Variants in DGKB observed in about 807,000 individuals in gnomAD.
The protein encoded by DGKB is 90 kDa diacylglycerol kinase.
In DGKB, 67 loss-of-function variants were observed where a neutral mutation model predicts 114.3. The observed-to-expected ratio is 0.59, with a 90% CI of 0.48 to 0.72. The LOEUF is 0.72. Ranked by LOEUF, DGKB falls within the 30% of genes least tolerant of loss-of-function variation. DGKB has a pLI of 0.00. For synonymous variants in DGKB, 398 were observed against 323.1 expected (o/e 1.23, Z -2.49); for missense variants, 907 against 975.2 (o/e 0.93, Z 0.93).
chr7:14,311,081 T>A (rs1295658627), intron 23 of DGKB, among the ~76,000 whole-genome samples: 1 of 151,928 alleles, frequency 6.6e-6, no homozygotes, highest in Non-Finnish European at 1.5e-5. Context: ...TGAGCCAAGG[T>A]CACGCCACTG....
chr7:14,783,525 C>T (rs138172263), intron 2 of DGKB, among the ~76,000 whole-genome samples: 35 of 152,274 alleles, frequency 2.3e-4, no homozygotes, highest in African/African-American at 6.7e-4. Context: ...ATCCTGCTTT[C>T]GCTGCCTGAT....
intron 21 of DGKB, among the ~76,000 whole-genome samples, chr7:14,451,898 C>T (rs1831574842): frequency 6.7e-6 from 1 of 150,006 alleles, no homozygotes; most frequent in Admixed American, 6.6e-5. Context: ...ATTAATGAAA[C>T]TCACTCTTTT....
At chr7:14,342,354 T>C (rs1005555008) in intron 22 of DGKB, among the ~76,000 whole-genome samples, 3 of 151,864 alleles carry the variant, frequency 2.0e-5, no homozygotes, top group African/African-American at 4.8e-5. Context: ...AAACTGAACA[T>C]TCATGAACTC....
intron 13 of DGKB, among the ~76,000 whole-genome samples, chr7:14,656,350 A>G (rs1198622907): frequency 6.6e-6 from 1 of 151,634 alleles, no homozygotes; most frequent in African/African-American, 2.4e-5. Context: ...TTAAAGTTTT[A>G]GAAGATTTCT....
At chr7:14,691,844 C>G (rs1380173131) in intron 9 of DGKB, among the ~76,000 whole-genome samples, 1 of 151,622 alleles carries the variant, frequency 6.6e-6, no homozygotes, top group Non-Finnish European at 1.5e-5. Flanking sequence ...TAACACAACT[C>G]TGGAACACAG....
intron 2 of DGKB, among the ~76,000 whole-genome samples, chr7:14,819,292 GATA>G (rs1377894310): frequency 2.7e-4 from 41 of 152,088 alleles, no homozygotes; most frequent in African/African-American, 9.7e-4. Context: ...AGTGAGTAAT[GATA>G]ATAATTGCTG....
chr7:14,567,158 T>TTATATTTATATATATTATATATAATTA (rs1797531800), intron 20 of DGKB, among the ~76,000 whole-genome samples: 1 of 94,676 alleles, frequency 1.1e-5, no homozygotes. Flanking sequence ...TAATATACAA[T>TTATATTTATATATATTATATATAATTA]TATATTTATA....
intron 25 of DGKB, among the ~76,000 whole-genome samples, chr7:14,157,770 C>A (rs1463355107): frequency 6.6e-6 from 1 of 152,122 alleles, no homozygotes; most frequent in African/African-American, 2.4e-5. Flanking sequence ...GAGAAATGAT[C>A]CTCACAATTT....
chr7:14,491,269 T>C (rs952336941), intron 20 of DGKB, among the ~76,000 whole-genome samples: 1 of 152,056 alleles, frequency 6.6e-6, no homozygotes, highest in Non-Finnish European at 1.5e-5. Flanking sequence ...TCTCATGAGA[T>C]CTGATGGTTT....
intron 20 of DGKB, among the ~76,000 whole-genome samples, chr7:14,567,208 T>A (rs1212196533): frequency 7.9e-5 from 6 of 76,262 alleles, no homozygotes; most frequent in African/African-American, 2.9e-4. Context: ...TTATATATAT[T>A]ATATATTTAT....
At chr7:14,696,350 C>A (rs1208970277) in intron 8 of DGKB, among the ~76,000 whole-genome samples, 2 of 151,548 alleles carry the variant, frequency 1.3e-5, no homozygotes, top group South Asian at 2.1e-4. Flanking sequence ...AAAAAATTAG[C>A]CGGGCGCGGT....
chr7:14,487,542 T>A (rs946408194), intron 20 of DGKB, among the ~76,000 whole-genome samples: 1 of 152,006 alleles, frequency 6.6e-6, no homozygotes, highest in African/African-American at 2.4e-5. Context: ...CTGCCTAGAT[T>A]TCCATTTTAC....
At chr7:14,871,725 A>G (rs1159115896) in intron 1 of DGKB, among the ~76,000 whole-genome samples, 1 of 152,168 alleles carries the variant, frequency 6.6e-6, no homozygotes, top group Non-Finnish European at 1.5e-5. Flanking sequence ...AGCATTTGTG[A>G]GCTTTTTCTA....
intron 23 of DGKB, among the ~76,000 whole-genome samples, chr7:14,276,797 CA>C (rs1291077665): frequency 1.3e-5 from 2 of 151,774 alleles, no homozygotes; most frequent in Non-Finnish European, 2.9e-5. Flanking sequence ...CTTTAATTTA[CA>C]GATAAAGGAA....
intron 2 of DGKB, among the ~76,000 whole-genome samples, chr7:14,835,303 A>G (rs1846996973): frequency 6.6e-6 from 1 of 152,220 alleles, no homozygotes; most frequent in Non-Finnish European, 1.5e-5. Flanking sequence ...CAACTGCCTC[A>G]GCCACCACTA....
intron 23 of DGKB, among the ~76,000 whole-genome samples, chr7:14,292,476 G>A (rs775634923): frequency 6.6e-5 from 10 of 152,028 alleles, no homozygotes; most frequent in Non-Finnish European, 1.3e-4. Context: ...ATTCAAACCT[G>A]GTTATTTGTT....
chr7:14,321,759 A>AC (rs993980613), intron 23 of DGKB, among the ~76,000 whole-genome samples: 2 of 152,192 alleles, frequency 1.3e-5, no homozygotes, highest in African/African-American at 4.8e-5. Flanking sequence ...TTTTGGTACA[A>AC]CAAAAACAAT....
chr7:14,845,962 C>T (rs1350513249), intron 1 of DGKB, among the ~76,000 whole-genome samples: 1 of 152,144 alleles, frequency 6.6e-6, no homozygotes, highest in Non-Finnish European at 1.5e-5. Flanking sequence ...CCAAGGGATG[C>T]CTTGTGATGT....
At chr7:14,737,126 A>G (rs886465971) in intron 4 of DGKB, among the ~76,000 whole-genome samples, 22 of 152,162 alleles carry the variant, frequency 1.4e-4, no homozygotes, top group Admixed American at 3.3e-4. Context: ...GATGTAGACC[A>G]CATGGAGGAG....
Sources: allele counts gnomAD v4.1 joint callset (sites outside exome capture counted in the v4.1 genomes callset), GRCh38; gene constraint gnomAD v4.1.1; transcripts MANE v1.5; gene names NCBI Gene and HGNC (gene_info 2026-07-23, HGNC 2026-07-21).